Variants in PEBP4 observed in about 807,000 individuals in gnomAD.
PEBP4 encodes the protein phosphatidylethanolamine binding protein 4, also known as phosphatidylethanolamine-binding protein 4.
In PEBP4, 22 loss-of-function variants were observed where a neutral mutation model predicts 23.9. That is an observed-to-expected ratio of 0.92 (90% CI 0.66 to 1.31). The LOEUF is 1.31. Among genes scored for constraint, PEBP4 ranks in the 40% most tolerant of loss-of-function variants. PEBP4 has a pLI of 0.00. For synonymous variants in PEBP4, 112 were observed against 99.3 expected, an observed-to-expected ratio of 1.13 and a Z score of -0.76; for missense variants, 324 against 281.7, an observed-to-expected ratio of 1.15 and a Z score of -1.07.
chr8:22,742,969 G>A lies in PEBP4; in HGVS notation c.358-15749C>T, dbSNP rs186569923. Reference sequence around the variant, plus strand: ...AGAGGAAGCGCAGAGAGCCTTGGGGGAACAGGGAGGGCTTTCTGGAGGAGG... The same window carrying A: ...AGAGGAAGCGCAGAGAGCCTTGGGGAAACAGGGAGGGCTTTCTGGAGGAGG... On this transcript the variant is annotated intron_variant, in intron 4 of 6. Transcript: ENST00000256404. Among the ~76,000 whole-genome samples the A allele has an allele frequency of 7.7e-3, 1,173 of 152,326 alleles. 13 individuals carry two copies. The highest frequency in any genetic ancestry group is 0.025 in the African/African-American group (1,050 of 41,576).
intron 4 of PEBP4, among the ~76,000 whole-genome samples, chr8:22,794,531 C>T (rs370787468): frequency 2.0e-5 from 3 of 152,178 alleles, no homozygotes; most frequent in Non-Finnish European, 2.9e-5. Context: ...GTAATATGCC[C>T]GCCTCAGCCT....
upstream of PEBP4, among the ~76,000 whole-genome samples, chr8:22,932,411 A>T (rs6557602): frequency 0.47 from 71,262 of 151,742 alleles, 19,311 homozygotes; most frequent in African/African-American, 0.75. Context: ...TTGTGAGATA[A>T]GTGGAGCATA....
At chr8:22,830,624 C>G (rs1437631089) in intron 3 of PEBP4, among the ~76,000 whole-genome samples, 1 of 152,194 alleles carries the variant, frequency 6.6e-6, no homozygotes, top group African/African-American at 2.4e-5. Flanking sequence ...ACAACATTGC[C>G]TGGTATTCCA....
At chr8:22,862,503 A>G (rs1396665364) in intron 3 of PEBP4, among the ~76,000 whole-genome samples, 1 of 152,146 alleles carries the variant, frequency 6.6e-6, no homozygotes, top group East Asian at 1.9e-4. Flanking sequence ...ACTTGTGTAG[A>G]TCAGCCGGGA....
chr8:22,912,112 G>T (rs988016459), intron 3 of PEBP4, among the ~76,000 whole-genome samples: 1 of 152,170 alleles, frequency 6.6e-6, no homozygotes, highest in Non-Finnish European at 1.5e-5. Flanking sequence ...GACAGAGAAG[G>T]CCACGAGGAT....
chr8:22,937,058 GC>G (rs1488734653), intron 1 of PEBP4, among the ~76,000 whole-genome samples: 1 of 152,122 alleles, frequency 6.6e-6, no homozygotes, highest in African/African-American at 2.4e-5. Context: ...GTATGCATTT[GC>G]CACTCTTATT....
intron 4 of PEBP4, among the ~76,000 whole-genome samples, chr8:22,807,802 C>A (rs1806530188): frequency 6.6e-6 from 1 of 152,046 alleles, no homozygotes; most frequent in Non-Finnish European, 1.5e-5. Context: ...CACCTCCATC[C>A]ATTTATCCAT....
intron 3 of PEBP4, among the ~76,000 whole-genome samples, chr8:22,861,962 C>T (rs534529369): frequency 6.6e-6 from 1 of 152,324 alleles, no homozygotes; most frequent in East Asian, 1.9e-4. Flanking sequence ...AAGTCATTCT[C>T]TCTGTCCCCG....
chr8:22,783,835 C>T (rs1422180844), intron 4 of PEBP4, among the ~76,000 whole-genome samples: 2 of 152,216 alleles, frequency 1.3e-5, no homozygotes, highest in Non-Finnish European at 2.9e-5. Context: ...AGTTTTGTCA[C>T]GTTACTCAGG....
At chr8:22,725,961 T>G (rs1804615346) in intron 5 of PEBP4, among the ~76,000 whole-genome samples, 1 of 151,800 alleles carries the variant, frequency 6.6e-6, no homozygotes, top group African/African-American at 2.4e-5. Context: ...TCCTGACGAT[T>G]CATCTTTCCC....
At chr8:22,749,510 C>T (rs10109031) in intron 4 of PEBP4, among the ~76,000 whole-genome samples, 3 of 152,344 alleles carry the variant, frequency 2.0e-5, no homozygotes, top group South Asian at 2.1e-4. Context: ...AGCAAGGGCA[C>T]GGCCACCAAA....
chr8:22,875,976 C>G (rs1808113100), intron 3 of PEBP4, among the ~76,000 whole-genome samples: 1 of 152,102 alleles, frequency 6.6e-6, no homozygotes, highest in East Asian at 1.9e-4. Context: ...GTAGTGTGAT[C>G]TTGGCTCACT....
At chr8:22,802,441 CCTT>C (rs1806404073) in intron 4 of PEBP4, among the ~76,000 whole-genome samples, 1 of 152,234 alleles carries the variant, frequency 6.6e-6, no homozygotes, top group South Asian at 2.1e-4. Flanking sequence ...CTAGCTGACT[CCTT>C]CTCCTAAAAT....
intron 3 of PEBP4, among the ~76,000 whole-genome samples, chr8:22,898,611 C>A (rs1019994839): frequency 6.6e-6 from 1 of 152,010 alleles, no homozygotes; most frequent in African/African-American, 2.4e-5. Context: ...ACATTCATGC[C>A]CGAGGGAATG....
intron 4 of PEBP4, chr8:22,757,890 C>G (rs747245385): frequency 6.6e-5 from 10 of 152,246 alleles, no homozygotes; most frequent in Non-Finnish European, 1.0e-4. Context: ...CTGGGCTGCT[C>G]TTGGTCTCTC....
chr8:22,846,910 C>T (rs1300187663), intron 3 of PEBP4, among the ~76,000 whole-genome samples: 2 of 152,066 alleles, frequency 1.3e-5, no homozygotes, highest in Non-Finnish European at 2.9e-5. Flanking sequence ...GCCTCTGATC[C>T]CAGCACTTTG....
chr8:22,827,824 G>T (rs1399668887), intron 3 of PEBP4, among the ~76,000 whole-genome samples: 11 of 152,152 alleles, frequency 7.2e-5, no homozygotes, highest in Admixed American at 7.2e-4. Flanking sequence ...TTTTCAAAGT[G>T]GTTGCTCCAT....
intron 3 of PEBP4, among the ~76,000 whole-genome samples, chr8:22,834,021 A>G (rs927648873): frequency 2.0e-5 from 3 of 152,150 alleles, no homozygotes; most frequent in Admixed American, 1.3e-4. Context: ...TTAGAAGACT[A>G]TGTGTCTTCT....
chr8:22,739,637 C>T (rs867440984), intron 4 of PEBP4, among the ~76,000 whole-genome samples: 11 of 152,238 alleles, frequency 7.2e-5, no homozygotes, highest in Middle Eastern at 3.4e-3. Flanking sequence ...CCTGGAATCC[C>T]GAGTGGCTGT....
Sources: allele counts gnomAD v4.1 joint callset (sites outside exome capture counted in the v4.1 genomes callset), GRCh38; gene constraint gnomAD v4.1.1; transcripts MANE v1.5; gene names NCBI Gene and HGNC (gene_info 2026-07-23, HGNC 2026-07-21).